The following SLC35D4 variants were observed in gnomAD, a reference collection of about 807,000 sequenced individuals.
The protein encoded by SLC35D4 is solute carrier family 35 member D4, also known as UDP-N-acetylglucosamine transporter SLC35D4.
chr18:23,332,324 C>T, the SLC35D4 span, among the ~76,000 whole-genome samples: 1 of 152,210 alleles, frequency 6.6e-6, no homozygotes, highest in Non-Finnish European at 1.5e-5. Flanking sequence ...GCTACCACCA[C>T]CATCTAATTC....
At chr18:23,329,498 A>G in the SLC35D4 span, among the ~76,000 whole-genome samples, 3 of 152,240 alleles carry the variant, frequency 2.0e-5, no homozygotes, top group East Asian at 1.9e-4. Flanking sequence ...AATCAAAACT[A>G]CAATGAGATA....
the SLC35D4 span, among the ~76,000 whole-genome samples, chr18:23,321,096 G>T: frequency 5.9e-5 from 9 of 152,216 alleles, no homozygotes; most frequent in Non-Finnish European, 1.3e-4. Context: ...GACCAAGCCA[G>T]ATCTTTAGCC....
At chr18:23,274,275 T>C in the SLC35D4 span, among the ~76,000 whole-genome samples, 1 of 152,184 alleles carries the variant, frequency 6.6e-6, no homozygotes, top group Non-Finnish European at 1.5e-5. Context: ...TGAGGCTCAA[T>C]GGGCCATTCA....
chr18:23,250,345 G>A, the SLC35D4 span, among the ~76,000 whole-genome samples: 1 of 152,166 alleles, frequency 6.6e-6, no homozygotes, highest in Non-Finnish European at 1.5e-5. Flanking sequence ...CTGGATTGGG[G>A]GGTGAGGGGT....
chr18:23,327,720 C>T, the SLC35D4 span, among the ~76,000 whole-genome samples: 128 of 152,248 alleles, frequency 8.4e-4, no homozygotes, highest in Non-Finnish European at 1.7e-3. Flanking sequence ...CAGCATCATC[C>T]TGATACCAAA....
At chr18:23,382,483 G>A in the SLC35D4 span, among the ~76,000 whole-genome samples, 2 of 151,938 alleles carry the variant, frequency 1.3e-5, no homozygotes, top group East Asian at 1.9e-4. Context: ...CCTGAGACAC[G>A]GGGAAAATCA....
At chr18:23,411,257 CAGGGAGAGAGAAGGGA>C in the SLC35D4 span, among the ~76,000 whole-genome samples, 2 of 101,990 alleles carry the variant, frequency 2.0e-5, no homozygotes, top group East Asian at 2.7e-4. Flanking sequence ...AAGGGAAGGG[CAGGGAGAGAGAAGGGA>C]AGGGAGAGAG....
At chr18:23,368,147 GT>G in the SLC35D4 span, among the ~76,000 whole-genome samples, 1 of 152,142 alleles carries the variant, frequency 6.6e-6, no homozygotes, top group African/African-American at 2.4e-5. Context: ...GGGCTCCCTG[GT>G]GCTGCATGTC....
At chr18:23,420,930 G>A in the SLC35D4 span, among the ~76,000 whole-genome samples, 7 of 151,964 alleles carry the variant, frequency 4.6e-5, no homozygotes, top group Non-Finnish European at 1.0e-4. Context: ...AGGGAACTAA[G>A]AGATCAAACA....
At chr18:23,373,926 T>C in the SLC35D4 span, among the ~76,000 whole-genome samples, 4 of 152,222 alleles carry the variant, frequency 2.6e-5, no homozygotes, top group Non-Finnish European at 4.4e-5. Flanking sequence ...ACTACCTGTG[T>C]AGTTTTCAAT....
At chr18:23,276,703 G>A in the SLC35D4 span, among the ~76,000 whole-genome samples, 27 of 152,334 alleles carry the variant, frequency 1.8e-4, no homozygotes, top group Non-Finnish European at 2.8e-4. Context: ...CAACCCCGGC[G>A]CTAGCCAGTC....
the SLC35D4 span, among the ~76,000 whole-genome samples, chr18:23,351,743 C>A: frequency 6.6e-6 from 1 of 152,218 alleles, no homozygotes; most frequent in South Asian, 2.1e-4. Context: ...CCCGCTCCTT[C>A]TGTTTCTTTG....
chr18:23,293,447 T>A, the SLC35D4 span, among the ~76,000 whole-genome samples: 1 of 152,234 alleles, frequency 6.6e-6, no homozygotes, highest in African/African-American at 2.4e-5. Flanking sequence ...AGAAAAATGA[T>A]GTGATATTTT....
the SLC35D4 span, among the ~76,000 whole-genome samples, chr18:23,310,728 A>T: frequency 6.6e-6 from 1 of 151,980 alleles, no homozygotes; most frequent in African/African-American, 2.4e-5. Context: ...AGAAGGAAGG[A>T]GTATGTTTAT....
At chr18:23,286,894 C>A in the SLC35D4 span, among the ~76,000 whole-genome samples, 1 of 151,982 alleles carries the variant, frequency 6.6e-6, no homozygotes, top group Non-Finnish European at 1.5e-5. Flanking sequence ...GCCCTTCTTC[C>A]CAATCCAAAG....
chr18:23,247,728 C>T, the SLC35D4 span, among the ~76,000 whole-genome samples: 955 of 152,332 alleles, frequency 6.3e-3, 11 homozygotes, highest in African/African-American at 0.022. Context: ...CCCACTGAGC[C>T]GCAGCTCAGA....
chr18:23,356,965 C>T, the SLC35D4 span, among the ~76,000 whole-genome samples: 1 of 152,104 alleles, frequency 6.6e-6, no homozygotes, highest in Non-Finnish European at 1.5e-5. The surrounding 1 kb of genome is among the most constrained non-coding windows in gnomAD (Gnocchi z 4.1). Context: ...TTCTATTGTG[C>T]CCATTTAAAC....
At chr18:23,380,601 C>T in the SLC35D4 span, among the ~76,000 whole-genome samples, 25 of 152,276 alleles carry the variant, frequency 1.6e-4, no homozygotes, top group East Asian at 9.6e-4. Context: ...CTAAGAAATG[C>T]GTCTCCTACG....
chr18:23,250,341 T>TG, the SLC35D4 span, among the ~76,000 whole-genome samples: 2 of 45,786 alleles, frequency 4.4e-5, no homozygotes, highest in Non-Finnish European at 6.8e-5. Flanking sequence ...GTGCCTGGAT[T>TG]GGGGGGTGAG....
Sources: allele counts gnomAD v4.1 joint callset (sites outside exome capture counted in the v4.1 genomes callset), GRCh38; gene constraint gnomAD v4.1.1; non-coding constraint Gnocchi (gnomAD v3.1); transcripts MANE v1.5; gene names NCBI Gene and HGNC (gene_info 2026-07-23, HGNC 2026-07-21).